Variants in FGF7 observed in about 807,000 individuals in gnomAD.
FGF7 encodes fibroblast growth factor 7, also known as FGF-7.
FGF7 carries 6 observed loss-of-function variants against 20.5 expected under a neutral mutation model. The observed-to-expected ratio is 0.29, with a 90% confidence interval of 0.16 to 0.58. The LOEUF (loss-of-function observed/expected upper bound fraction) is 0.58. Among genes scored for constraint, FGF7 ranks in the 20% least tolerant of loss-of-function variants. The pLI is 0.90. For missense variants in FGF7, 144 were observed against 228.8 expected, an observed-to-expected ratio of 0.63 and a Z score of 2.39; for synonymous variants, 64 against 74.7, an observed-to-expected ratio of 0.86 and a Z score of 0.74.
At chr15:49,464,505 T>C (rs575311159) in intron 2 of FGF7, among the ~76,000 whole-genome samples, 7 of 152,282 alleles carry the variant, frequency 4.6e-5, no homozygotes, top group African/African-American at 1.7e-4. Context: ...CTAATGATGA[T>C]AAAATGCTGG....
intron 2 of FGF7, chr15:49,425,528 T>C (rs2050052669): frequency 6.6e-6 from 1 of 152,008 alleles, no homozygotes; most frequent in Non-Finnish European, 1.5e-5. Flanking sequence ...TTGTTATTAA[T>C]ATATAATTTC....
chr15:49,424,190 T>C lies in FGF7; in HGVS notation c.-108T>C. ...GAAAGAGCAACTACTCTTTCTTAAA[T>C]CAATCTACAATTCACAGATAGGAAG... is the stretch of plus-strand genomic sequence containing the variant. On this transcript the variant is annotated 5_prime_UTR_variant, in exon 2 of 4. Coordinates refer to ENST00000267843, the MANE Select transcript of FGF7 (RefSeq NM_002009.4). The C allele has an allele frequency of 9.9e-7, 1 of 1,011,626 alleles. No homozygotes were observed. The highest frequency in any genetic ancestry group is 1.5e-6 in the Non-Finnish European group (1 of 681,844). The allele number at this position is 1,011,626 out of a possible 1,614,324, so 62.7% of individuals were successfully genotyped here.
chr15:49,473,930 C>T (rs2055011875), intron 2 of FGF7, among the ~76,000 whole-genome samples: 1 of 152,054 alleles, frequency 6.6e-6, no homozygotes, highest in East Asian at 1.9e-4. Context: ...AAATGAGGAA[C>T]ATTCATCATT....
At chr15:49,458,959 A>G (rs912277648) in intron 2 of FGF7, among the ~76,000 whole-genome samples, 4 of 152,140 alleles carry the variant, frequency 2.6e-5, no homozygotes, top group Non-Finnish European at 4.4e-5. Context: ...AAAAATATTG[A>G]TCTGCTATCC....
intron 2 of FGF7, among the ~76,000 whole-genome samples, chr15:49,473,361 T>C (rs1451136000): frequency 1.3e-5 from 2 of 152,148 alleles, no homozygotes; most frequent in Non-Finnish European, 1.5e-5. Flanking sequence ...TAAAGAACAT[T>C]GAGTTAAATA....
In FGF7 at chr15:49,487,463, C is replaced by T. The variant is rs2056494651; in HGVS notation, c.*2959C>T. 6.6e-6 allele frequency: 1 copy of T among 151,694 alleles called. No individual in the cohort carries two copies. Among genetic ancestry groups the T allele is most frequent in the Non-Finnish European group, 1.5e-5 (1 of 67,838 alleles). The allele number at this position is 151,694 out of a possible 1,614,324, so 9.4% of individuals were successfully genotyped here. A position where few individuals can be genotyped will look rare whatever the true frequency, so the allele number is the denominator to read the frequency against. On this transcript the variant is annotated 3_prime_UTR_variant, in exon 4 of 4. Transcript: ENST00000267843. ...AAAAACCATAGTATAAATTGTCAGCCTTTGAGTTGGCTACAAATTCAATTT... is the reference window on the plus strand; with the variant it reads ...AAAAACCATAGTATAAATTGTCAGCTTTTGAGTTGGCTACAAATTCAATTT...
chr15:49,438,616 C>T (rs1392209037), intron 2 of FGF7, among the ~76,000 whole-genome samples: 1 of 151,556 alleles, frequency 6.6e-6, no homozygotes, highest in Non-Finnish European at 1.5e-5. Context: ...AGAGGGAGCA[C>T]GAGGACAAGG....
In FGF7 at chr15:49,484,308, A is replaced by G; in HGVS notation, c.391-2A>G. The G allele has an allele frequency of 1.3e-6, 2 of 1,585,004 alleles. No homozygotes were observed. Among genetic ancestry groups the G allele is most frequent in the Non-Finnish European group, 1.7e-6 (2 of 1,172,140 alleles). ...TGTCTGTTTGTTTGTTTGTTTTAAC[A>G]GAAAGAATGCAATGAAGATTGTAAC... is the stretch of plus-strand genomic sequence containing the variant. On this transcript the variant is annotated splice_acceptor_variant, in intron 3 of 3. Transcript: ENST00000267843. LOFTEE classifies it high-confidence loss of function.
chr15:49,476,845 G>A (rs530204073), intron 2 of FGF7, among the ~76,000 whole-genome samples: 1 of 152,096 alleles, frequency 6.6e-6, no homozygotes, highest in East Asian at 1.9e-4. Flanking sequence ...AGATCACAAG[G>A]TCAGGAGATT....
intron 2 of FGF7, among the ~76,000 whole-genome samples, chr15:49,454,992 G>A (rs1396763787): frequency 6.6e-6 from 1 of 152,136 alleles, no homozygotes; most frequent in African/African-American, 2.4e-5. Flanking sequence ...AGTGAGGTGG[G>A]ATGGAAAACA....
chr15:49,483,605 T>C (rs1304679866), intron 3 of FGF7, among the ~76,000 whole-genome samples: 2 of 152,022 alleles, frequency 1.3e-5, no homozygotes, highest in African/African-American at 4.8e-5. Context: ...AATTTGCACA[T>C]TGCTGACATG....
At chr15:49,466,824 T>G (rs2054307778) in intron 2 of FGF7, among the ~76,000 whole-genome samples, 1 of 152,184 alleles carries the variant, frequency 6.6e-6, no homozygotes, top group Non-Finnish European at 1.5e-5. Context: ...TTAAGTAAAC[T>G]CAGATGTTTT....
chr15:49,482,950 C>T (rs113659909), intron 2 of FGF7, among the ~76,000 whole-genome samples: 4,538 of 152,028 alleles, frequency 0.03, 243 homozygotes, highest in African/African-American at 0.1. Flanking sequence ...AAAAAACCAT[C>T]GGTTTGCACT....
intron 2 of FGF7, among the ~76,000 whole-genome samples, chr15:49,428,170 A>G (rs1040720988): frequency 6.6e-6 from 1 of 151,928 alleles, no homozygotes; most frequent in African/African-American, 2.4e-5. Context: ...AGCTGCTACT[A>G]GAGAACTGGT....
intron 3 of FGF7, among the ~76,000 whole-genome samples, chr15:49,483,632 A>T (rs1443439861): frequency 2.6e-5 from 4 of 152,020 alleles, no homozygotes; most frequent in Admixed American, 6.6e-5. Context: ...CTTGGGAAAA[A>T]ATCTTGAAAT....
intron 2 of FGF7, among the ~76,000 whole-genome samples, chr15:49,471,479 T>C (rs2151966609): frequency 8.2e-6 from 1 of 121,708 alleles, no homozygotes; most frequent in Middle Eastern, 4.4e-3. Flanking sequence ...TGAGACTCTA[T>C]CTCAAAATAA....
chr15:49,460,697 T>A (rs2053712967), intron 2 of FGF7, among the ~76,000 whole-genome samples: 1 of 152,184 alleles, frequency 6.6e-6, no homozygotes, highest in Non-Finnish European at 1.5e-5. Context: ...ATACCAGTCA[T>A]GTATATAATA....
At chr15:49,448,865 C>A (rs1187731431) in intron 2 of FGF7, among the ~76,000 whole-genome samples, 1 of 151,662 alleles carries the variant, frequency 6.6e-6, no homozygotes. Flanking sequence ...CTTTAGCAGT[C>A]GATTCCAATA....
At chr15:49,423,702 G>C (rs2049881987) in intron 1 of FGF7, among the ~76,000 whole-genome samples, 1 of 152,092 alleles carries the variant, frequency 6.6e-6, no homozygotes, top group African/African-American at 2.4e-5. Context: ...AGAAGTCTAG[G>C]GAGAAAGCAG....
Sources: allele counts gnomAD v4.1 joint callset (sites outside exome capture counted in the v4.1 genomes callset), GRCh38; gene constraint gnomAD v4.1.1; transcripts MANE v1.5; gene names NCBI Gene and HGNC (gene_info 2026-07-23, HGNC 2026-07-21).